Variants in CENPI observed in about 807,000 individuals in gnomAD.
The protein encoded by CENPI is centromere protein I, also known as FSH primary response 1.
In CENPI, 4 loss-of-function variants were observed where a neutral mutation model predicts 60.4. The observed-to-expected ratio is 0.07, with a 90% CI of 0.03 to 0.15. The LOEUF (loss-of-function observed/expected upper bound fraction) is 0.15. Among genes scored for constraint, CENPI ranks in the 10% least tolerant of loss-of-function variants. The pLI, the probability that CENPI is intolerant of heterozygous loss-of-function variation, is 1.00. For missense variants in CENPI, 444 were observed against 534.5 expected (o/e 0.83, Z 1.67); for synonymous variants, 157 against 189.4 (o/e 0.83, Z 1.40).
intron 20 of CENPI, among the ~76,000 whole-genome samples, chrX:101,160,396 T>C (rs1477407584): frequency 3.3e-5 from 3 of 92,249 alleles, no homozygotes; most frequent in South Asian, 1.0e-3. Flanking sequence ...TTTTTTTTTT[T>C]CTTTGATGGA....
chrX:101,130,208 T>A, intron 13 of CENPI, 135 bp downstream of exon 13: 1 of 415,717 alleles, frequency 2.4e-6, no homozygotes, highest in Non-Finnish European at 4.3e-6. Context: ...CCAAGGCGGG[T>A]GGATCACTTG....
At chrX:101,178,330 C>T in the CENPI span, among the ~76,000 whole-genome samples, 10 of 109,086 alleles carry the variant, frequency 9.2e-5, no homozygotes, top group African/African-American at 3.3e-4. Flanking sequence ...AGGTGAGTAC[C>T]AGATGCCTCT....
At chrX:101,162,473 A>AAAAATATATATATATATATATAT (rs1303045267) in intron 21 of CENPI, among the ~76,000 whole-genome samples, 3 of 68,125 alleles carry the variant, frequency 4.4e-5, no homozygotes, top group African/African-American at 2.1e-4. Context: ...AAAAAAAAAA[A>AAAAATATATATATATATATATAT]ATATATATAT....
chrX:101,113,925 T>C (rs998915415), intron 6 of CENPI, among the ~76,000 whole-genome samples: 7 of 112,000 alleles, frequency 6.3e-5, no homozygotes, highest in African/African-American at 1.9e-4. Context: ...TCAGTCTAAT[T>C]GTAATCCTTT....
Position 101,120,437 on chromosome X carries a change from C to A in CENPI, c.627C>A (p.Thr209=). ...TTTGCCATTTGTTATATTTACTTAC[C>A]AAAAAAGAGAATGGTGAGTATTTTC... ...PYVCHLLYLL[T]KKENVKPFRV... is the part of the protein sequence containing the mutation. The change falls in exon 7 of 22, where the codon ACC becomes ACA. Residue 209 remains threonine, a synonymous_variant. Transcript: ENST00000682095. 1 of 960,582 alleles carries A rather than the reference C, an allele frequency of 1.0e-6. No homozygotes were observed. Among genetic ancestry groups the A allele is most frequent in the South Asian group, 2.0e-5 (1 of 49,328 alleles). 79.2% of individuals were successfully genotyped at this position (960,582 alleles called of 1,213,427 possible). A position where few individuals can be genotyped will look rare whatever the true frequency, so the allele number is the denominator to read the frequency against.
At position 101,164,302 on chromosome X, in the gene CENPI, T is replaced by C. The variant is rs1416601363; in HGVS notation, c.*1335T>C. Among the ~76,000 whole-genome samples, 1 of 111,151 alleles carries C rather than the reference T, an allele frequency of 9.0e-6. No individual in the cohort carries two copies. Among genetic ancestry groups the C allele is most frequent in the Non-Finnish European group, 1.9e-5 (1 of 53,068 alleles). ...ACTCTTCTGTGTGCTGGTTATACAG[T>C]TGTGACCAATACAAAGTACCCGGGT... is the stretch of plus-strand genomic sequence containing the variant. On this transcript the variant is annotated 3_prime_UTR_variant, in exon 22 of 22. Transcript: ENST00000682095.
At position 101,103,549 on chromosome X, in the gene CENPI, C is replaced by T. The variant is rs192573044; in HGVS notation, c.364+1138C>T. On this transcript the variant is annotated intron_variant, in intron 4 of 21. Coordinates refer to ENST00000682095, the MANE Select transcript of CENPI (RefSeq NM_001386188.2). ...GGAGATGGGGTTTCTCCATGTTGGT[C>T]GGGTTGGTCTCGAACTCCCGACCTC... Among the ~76,000 whole-genome samples the T allele has an allele frequency of 4.8e-4, 53 of 109,928 alleles. No homozygotes were observed. The East Asian group carries it at 9.9e-3, about 20-fold the overall frequency.
chrX:101,109,628 GAACCA>G, intron 5 of CENPI, 37 bp downstream of exon 5: 1 of 1,036,653 alleles, frequency 9.6e-7, no homozygotes, highest in Non-Finnish European at 1.4e-6. Flanking sequence ...AAGTCCTTCA[GAACCA>G]CTTAAGGGCT....
intron 6 of CENPI, among the ~76,000 whole-genome samples, chrX:101,111,539 A>AAT (rs397828509): frequency 9.1e-6 from 1 of 110,476 alleles, no homozygotes; most frequent in Non-Finnish European, 1.9e-5. Flanking sequence ...AAAAAAAAAA[A>AAT]TGCTAATTTC....
At chrX:101,112,051 G>A (rs1015118453) in intron 6 of CENPI, among the ~76,000 whole-genome samples, 1 of 111,302 alleles carries the variant, frequency 9.0e-6, no homozygotes, top group African/African-American at 3.3e-5. Flanking sequence ...AATGACTGAC[G>A]TACGAACCGT....
rs1287002177 is a variant in CENPI, at chrX:101,098,228, G to T, written c.-130G>T. 93 of 113,483 alleles carry T rather than the reference G, an allele frequency of 8.2e-4. 2 individuals carry two copies. The Admixed American group carries it at 8.6e-3, about 10-fold the overall frequency. 9.4% of individuals were successfully genotyped at this position (113,483 alleles called of 1,213,427 possible). On this transcript the variant is annotated 5_prime_UTR_variant, in exon 1 of 22. Coordinates refer to ENST00000682095, the MANE Select transcript of CENPI (RefSeq NM_001386188.2). ...CATTCGGTGGTCAGAGGCCTGTGCG[G>T]CTGCAGGTAGAGTGTCTTAGGTGAG...
At chrX:101,133,785 G>A (rs868220263) in intron 15 of CENPI, among the ~76,000 whole-genome samples, 14 of 111,728 alleles carry the variant, frequency 1.3e-4, no homozygotes, top group Admixed American at 5.7e-4. Flanking sequence ...AGAAGGATAC[G>A]GACAAGAAAC....
chrX:101,117,406 G>T (rs938704852), intron 6 of CENPI, among the ~76,000 whole-genome samples: 3 of 111,374 alleles, frequency 2.7e-5, no homozygotes, highest in African/African-American at 9.8e-5. Context: ...CTCCATGTTG[G>T]TCAGGCTGGT....
chrX:101,109,852 T>G, intron 5 of CENPI, 39 bp from the exon 6 acceptor site: 1 of 982,436 alleles, frequency 1.0e-6, no homozygotes, highest in Non-Finnish European at 1.4e-6. Flanking sequence ...CTGTACCAGT[T>G]ATATTTCTTT....
At chrX:101,161,239 T>C (rs1245085784) in intron 20 of CENPI, among the ~76,000 whole-genome samples, 2 of 112,250 alleles carry the variant, frequency 1.8e-5, no homozygotes, top group Non-Finnish European at 3.8e-5. Context: ...TCTGCCCGCC[T>C]TGTCCTCCCA....
intron 6 of CENPI, among the ~76,000 whole-genome samples, chrX:101,113,316 CACACA>C (rs2089578119): frequency 4.1e-5 from 3 of 73,960 alleles, no homozygotes; most frequent in Non-Finnish European, 5.4e-5. Context: ...CACACACACA[CACACA>C]CAGAGTAGAT....
chrX:101,120,874 A>AT, intron 8 of CENPI, 90 bp downstream of exon 8: 3 of 652,537 alleles, frequency 4.6e-6, no homozygotes, highest in South Asian at 3.1e-5. Flanking sequence ...ATAACTCTTG[A>AT]TCTTTTTTTT....
intron 16 of CENPI, 122 bp from the exon 17 acceptor site, chrX:101,144,942 T>G: frequency 3.7e-6 from 2 of 547,316 alleles, no homozygotes; most frequent in South Asian, 3.6e-5. Context: ...GAATTATACG[T>G]TGGAGCACTG....
At chrX:101,141,840 C>T (rs999587493) in intron 16 of CENPI, among the ~76,000 whole-genome samples, 3 of 110,914 alleles carry the variant, frequency 2.7e-5, no homozygotes, top group African/African-American at 9.9e-5. Flanking sequence ...TCAAGCAATC[C>T]TCCCACCTCA....
Sources: gnomAD v4.1 joint callset for allele counts (sites outside exome capture counted in the v4.1 genomes callset) on GRCh38, gnomAD v4.1.1 for gene constraint, MANE v1.5 for transcripts, NCBI Gene and HGNC (gene_info 2026-07-23, HGNC 2026-07-21) for gene names.